Variants in PLIN2 observed in about 807,000 individuals in gnomAD.
The protein encoded by PLIN2 is perilipin-2.
A neutral mutation model predicts 30.6 loss-of-function variants in PLIN2; 33 were observed. The ratio of observed to expected loss-of-function variants is 1.08; its 90% CI spans 0.82 to 1.44. The LOEUF (loss-of-function observed/expected upper bound fraction) is 1.44. Ranked by LOEUF, PLIN2 falls within the 40% of genes most tolerant of loss-of-function variation. The pLI, the probability that PLIN2 is intolerant of heterozygous loss-of-function variation, is 0.00. For synonymous variants in PLIN2, 205 were observed against 201.1 expected (o/e 1.02, Z -0.16); for missense variants, 610 against 531.8 (o/e 1.15, Z -1.45).
chr9:19,120,808 G>C (rs2131180877), intron 5 of PLIN2, 72 bp downstream of exon 5: 4 of 1,195,072 alleles, frequency 3.3e-6, no homozygotes, highest in Admixed American at 1.7e-5. Flanking sequence ...CTCAAGATGA[G>C]AGTATATGTC....
At chr9:19,121,240 G>T in intron 4 of PLIN2, 75 bp from the exon 5 acceptor site, 1 of 1,318,982 alleles carries the variant, frequency 7.6e-7, no homozygotes, top group Non-Finnish European at 1.1e-6. Flanking sequence ...CTTAACTAAG[G>T]CAGCACAGCT....
chr9:19,111,356 C>A (rs985507984), downstream of PLIN2, among the ~76,000 whole-genome samples: 1 of 152,174 alleles, frequency 6.6e-6, no homozygotes, highest in Non-Finnish European at 1.5e-5. Context: ...GCAATTTTTA[C>A]AATTAAAGAT....
intron 5 of PLIN2, 144 bp downstream of exon 5, chr9:19,120,736 G>C: frequency 1.6e-6 from 1 of 637,714 alleles, no homozygotes; most frequent in South Asian, 1.9e-5. Context: ...GGATCTTTTG[G>C]GGTAGCAGAA....
Position 19,121,081 on chromosome 9 carries a change from T to C in PLIN2, c.394A>G (p.Ser132Gly), listed in dbSNP as rs990151927. Residue 132 changes from serine (S) to glycine (G), a missense_variant, in exon 5 of 8, where the codon AGC becomes GGC. By Grantham distance (56) the Ser-to-Gly change is moderately conservative. Transcript: ENST00000276914. The stretch of plus-strand genomic sequence containing the variant: ...TTGTCCATCACCCCTGTGATCGTGC[T>C]GGCCACAGAATCCTTGGCCCCAGTC... ...TVTGAKDSVASTITGVMDKTK... is the reference protein window; with the variant it reads ...TVTGAKDSVAGTITGVMDKTK... 6.2e-7 allele frequency: 1 copy of C among 1,614,196 alleles called. No homozygotes were observed. Among genetic ancestry groups the C allele is most frequent in the Admixed American group, 1.7e-5 (1 of 60,030 alleles).
At chr9:19,124,182 C>CA (rs1166626983) in intron 3 of PLIN2, among the ~76,000 whole-genome samples, 1 of 152,022 alleles carries the variant, frequency 6.6e-6, no homozygotes, top group Non-Finnish European at 1.5e-5. Flanking sequence ...AGTGACAGGC[C>CA]AAACAGGAAG....
At chr9:19,113,831 A>G (rs1374812678), downstream of PLIN2, among the ~76,000 whole-genome samples, 1 of 148,868 alleles carries the variant, frequency 6.7e-6, no homozygotes, top group Non-Finnish European at 1.5e-5. Context: ...CTGGAGTGCA[A>G]TGGCGCAATC....
chr9:19,108,627 G>C (rs114403489), exon 3 of PLIN2: 12 of 152,714 alleles, frequency 7.9e-5, no homozygotes, highest in African/African-American at 2.4e-4. Context: ...TCAACATCTT[G>C]CCCTGAGAGG....
In PLIN2 at chr9:19,120,923, C is replaced by G. The variant is rs571862523; in HGVS notation, c.552G>C (p.Glu184Asp). ...GAGGGAGGTACTGTTCTACCAACAG[C>G]TCTGATTTGGTGAGTGCATTTTCTA... ...SGVENALTKS[E>D]LLVEQYLPLT... Residue 184 changes from glutamate to aspartate, a missense_variant, in exon 5 of 8, where the codon GAG becomes GAC. By Grantham distance (45) the Glu-to-Asp change is conservative. Coordinates refer to ENST00000276914, the MANE Select transcript of PLIN2 (RefSeq NM_001122.4). 26 of 1,614,064 alleles carry G rather than the reference C, an allele frequency of 1.6e-5. No homozygotes were observed. In the South Asian group the frequency reaches 2.9e-4, roughly 18 times the overall value.
At position 19,116,315 on chromosome 9, in the gene PLIN2, T is replaced by C; in HGVS notation, c.1247A>G (p.Gln416Arg). ...CTTGTCCATCTCTGCACCTTGGTCC[T>C]GAGCATTCTGAGACTCAGTCAGCTG... is the stretch of plus-strand genomic sequence containing the variant. The part of the protein sequence containing the change: ...YPQLTESQNA[Q>R]DQGAEMDKSS... The change falls in exon 8 of 8, where the codon CAG becomes CGG. Residue 416 changes from glutamine to arginine, a missense_variant. Gln to Arg is a conservative substitution (Grantham distance 43). Transcript: ENST00000276914. The C allele has an allele frequency of 6.2e-7, 1 of 1,613,920 alleles. No homozygotes were observed.
At position 19,126,106 on chromosome 9, in the gene PLIN2, G is replaced by A; in HGVS notation, c.226+8C>T. ...CCTTGACTTGCATCTTGAAAAATCA[G>A]AACTCACTTTGCGGCTCTAGCTTCT... On this transcript the variant is annotated splice_region_variant and intron_variant, in intron 3 of 7. Transcript: ENST00000276914. The A allele has an allele frequency of 1.2e-6, 2 of 1,612,080 alleles. No individual in the cohort carries two copies. Among genetic ancestry groups the A allele is most frequent in the South Asian group, 2.2e-5 (2 of 90,970 alleles).
rs977531190 is a variant in PLIN2 at position 19,120,889 on chromosome 9, C to T, written c.586G>A (p.Glu196Lys). 20 of 1,613,452 alleles carry T rather than the reference C, an allele frequency of 1.2e-5. No individual in the cohort carries two copies. The Middle Eastern group carries it at 5.0e-4, about 40-fold the overall frequency. The change falls in exon 5 of 8, where the codon GAA becomes AAA. Residue 196 changes from glutamate to lysine, a missense_variant. Physicochemically the swap from Glu to Lys is moderately conservative, Grantham distance 56. Coordinates refer to ENST00000276914, the MANE Select transcript of PLIN2 (RefSeq NM_001122.4). ...LVEQYLPLTE[E>K]ELEKEAKKVE... Reference sequence around the variant, plus strand: ...ATAAAATTCCAGTTACCTAGTTCTTCCTCAGTGAGAGGGAGGTACTGTTCT... The same window carrying T: ...ATAAAATTCCAGTTACCTAGTTCTTTCTCAGTGAGAGGGAGGTACTGTTCT...
At chr9:19,125,273 C>G (rs866234358) in intron 3 of PLIN2, among the ~76,000 whole-genome samples, 1 of 152,214 alleles carries the variant, frequency 6.6e-6, no homozygotes, top group African/African-American at 2.4e-5. Context: ...TCATTCATGG[C>G]CAGGCATGGT....
rs779226296 is a variant in PLIN2 at position 19,118,463 on chromosome 9, C to T, written c.778-8G>A. ...CTTCCTGGCAAATTCAATCTAGACA[C>T]ATTGAAACAAGACAAAGGAACACAC... On this transcript the variant is annotated splice_region_variant and splice_polypyrimidine_tract_variant and intron_variant, in intron 6 of 7. Coordinates refer to ENST00000276914, the MANE Select transcript of PLIN2 (RefSeq NM_001122.4). 1.9e-6 allele frequency: 3 copies of T among 1,611,004 alleles called. No individual in the cohort carries two copies. In the Admixed American group the frequency reaches 5.1e-5, roughly 27 times the overall value.
chr9:19,123,350 C>T (rs751701382), intron 4 of PLIN2: 29 of 1,549,768 alleles, frequency 1.9e-5, no homozygotes, highest in African/African-American at 2.7e-5. Flanking sequence ...TAAAAGTTTT[C>T]TAATCCAAAG....
chr9:19,123,428 T>G, intron 4 of PLIN2, 137 bp downstream of exon 4: 2 of 1,554,512 alleles, frequency 1.3e-6, no homozygotes, highest in South Asian at 1.2e-5. Flanking sequence ...AAGTGGCCAT[T>G]ATTTTTCAAA....
Position 19,119,681 on chromosome 9 carries a change from G to A in PLIN2, c.746C>T (p.Thr249Ile), listed in dbSNP as rs1380526537. 6.2e-7 allele frequency: 1 copy of A among 1,607,290 alleles called. No homozygotes were observed. Among genetic ancestry groups the A allele is most frequent in the Admixed American group, 1.7e-5 (1 of 59,426 alleles). The change falls in exon 6 of 8, where the codon ACC becomes ATC. Residue 249 changes from threonine (T) to isoleucine (I), a missense_variant. Coordinates refer to ENST00000276914, the MANE Select transcript of PLIN2 (RefSeq NM_001122.4). ...AACAGTAGAATGGAGCTGAGAAATG[G>A]TCTGTTGGCTTTTTTGCTTAGCTTC... The part of the protein sequence containing the change: ...VKEAKQKSQQ[T>I]ISQLHSTVHL...
downstream of PLIN2, among the ~76,000 whole-genome samples, chr9:19,115,608 A>G (rs947996790): frequency 3.9e-5 from 6 of 152,106 alleles, no homozygotes; most frequent in East Asian, 1.9e-4. Flanking sequence ...CACCCGGCCA[A>G]GCATCCCATT....
At chr9:19,120,507 G>A (rs542739600) in intron 5 of PLIN2, among the ~76,000 whole-genome samples, 26 of 152,200 alleles carry the variant, frequency 1.7e-4, no homozygotes, top group South Asian at 1.7e-3. Context: ...AACTTACTAC[G>A]TACGATTCAA....
In PLIN2 at chr9:19,126,257, A is replaced by T. The variant is rs1182284400; in HGVS notation, c.83T>A (p.Leu28His). ...TGTACTGAGATAGGCTGAGGACATGAGGTCATACGTGGAGCTCACCAAGGG... is the reference window on the plus strand; with the variant it reads ...TGTACTGAGATAGGCTGAGGACATGTGGTCATACGTGGAGCTCACCAAGGG... The part of the protein sequence containing the change: ...NLPLVSSTYD[L>H]MSSAYLSTKD... The change falls in exon 3 of 8, where the codon CTC becomes CAC. Residue 28 changes from leucine (L) to histidine (H), a missense_variant. Physicochemically the swap from Leu to His is moderately conservative, Grantham distance 99 (BLOSUM62 -3). Transcript: ENST00000276914. 1 of 1,614,168 alleles carries T rather than the reference A, an allele frequency of 6.2e-7. No homozygotes were observed. The highest frequency in any genetic ancestry group is 1.1e-5 in the South Asian group (1 of 91,078).
Sources: gnomAD v4.1 joint callset for allele counts (sites outside exome capture counted in the v4.1 genomes callset) on GRCh38, gnomAD v4.1.1 for gene constraint, MANE v1.5 for transcripts, NCBI Gene and HGNC (gene_info 2026-07-23, HGNC 2026-07-21) for gene names.